MALRD1: variants seen among roughly 807,000 people sequenced by gnomAD.
MALRD1 encodes the protein MAM and LDL-receptor class A domain-containing protein 1.
MALRD1 carries 247 observed loss-of-function variants against 242.1 expected under a neutral mutation model. The observed-to-expected ratio is 1.02, with a 90% CI of 0.92 to 1.13. The LOEUF is 1.13. MALRD1 is among the 50% of genes most tolerant of loss of function. MALRD1 has a pLI of 0.00. For synonymous variants in MALRD1, 995 were observed against 866.6 expected, an observed-to-expected ratio of 1.15 and a Z score of -2.60; for missense variants, 2,989 against 2,533.1, an observed-to-expected ratio of 1.18 and a Z score of -3.86.
intron 5 of MALRD1, among the ~76,000 whole-genome samples, chr10:19,121,199 C>T (rs1481196244): frequency 3.3e-5 from 5 of 151,748 alleles, no homozygotes; most frequent in African/African-American, 1.2e-4. Context: ...TGCCACCATG[C>T]CTTGCTAATT....
At chr10:19,564,845 A>G (rs1401575336) in intron 32 of MALRD1, among the ~76,000 whole-genome samples, 1 of 152,154 alleles carries the variant, frequency 6.6e-6, no homozygotes, top group African/African-American at 2.4e-5. Flanking sequence ...TCAGAATACA[A>G]TAATATCATT....
intron 32 of MALRD1, among the ~76,000 whole-genome samples, chr10:19,553,424 T>C (rs1406525289): frequency 6.6e-6 from 1 of 152,188 alleles, no homozygotes; most frequent in African/African-American, 2.4e-5. Context: ...TATGTCAGAA[T>C]ATAAAAATAT....
At chr10:19,399,759 CAAAT>C (rs1264597260) in intron 28 of MALRD1, among the ~76,000 whole-genome samples, 4 of 152,136 alleles carry the variant, frequency 2.6e-5, no homozygotes, top group East Asian at 1.9e-4. Context: ...CTTTTTTTAA[CAAAT>C]AAAGAAATAT....
At chr10:19,476,691 C>T (rs553961544) in intron 29 of MALRD1, among the ~76,000 whole-genome samples, 2 of 152,136 alleles carry the variant, frequency 1.3e-5, no homozygotes, top group Admixed American at 6.5e-5. Context: ...GCGGTCATCT[C>T]GAACCAGGAT....
intron 26 of MALRD1, among the ~76,000 whole-genome samples, chr10:19,358,433 A>G (rs1475877131): frequency 6.6e-6 from 1 of 152,184 alleles, no homozygotes; most frequent in Non-Finnish European, 1.5e-5. Context: ...CTGGTGTAGC[A>G]ACTCAGTCAG....
intron 14 of MALRD1, among the ~76,000 whole-genome samples, chr10:19,194,160 A>G (rs1049888411): frequency 6.6e-5 from 10 of 152,120 alleles, no homozygotes; most frequent in Non-Finnish European, 7.4e-5. Context: ...TGACTAATAC[A>G]ATTTCACGTT....
intron 18 of MALRD1, among the ~76,000 whole-genome samples, chr10:19,211,353 A>G (rs1423847055): frequency 6.6e-6 from 1 of 152,080 alleles, no homozygotes; most frequent in Non-Finnish European, 1.5e-5. Context: ...CAGGCCCGAA[A>G]AGATGAAATC....
At chr10:19,491,370 G>C (rs1375323327) in intron 29 of MALRD1, 147 bp from the exon 30 acceptor site, 1 of 929,656 alleles carries the variant, frequency 1.1e-6, no homozygotes, top group Admixed American at 2.2e-5. Context: ...GACTGAGAAA[G>C]AGGAAGTTGG....
chr10:19,112,663 G>T (rs1262517479), intron 5 of MALRD1, among the ~76,000 whole-genome samples: 1 of 152,106 alleles, frequency 6.6e-6, no homozygotes, highest in African/African-American at 2.4e-5. Flanking sequence ...AATGTTTTTG[G>T]CCATATCATT....
intron 32 of MALRD1, among the ~76,000 whole-genome samples, chr10:19,534,896 T>C (rs1416133414): frequency 1.3e-5 from 2 of 151,454 alleles, no homozygotes; most frequent in African/African-American, 4.9e-5. Flanking sequence ...GTTGTTGTTT[T>C]TGTTTTTTGA....
At chr10:19,637,508 TGGATACCA>T (rs1564505754) in intron 36 of MALRD1, among the ~76,000 whole-genome samples, 1 of 152,174 alleles carries the variant, frequency 6.6e-6, no homozygotes, top group Non-Finnish European at 1.5e-5. Context: ...ACGATAAAAC[TGGATACCA>T]TGTTGACCCG....
chr10:19,723,803 G>C (rs896773713), intron 38 of MALRD1, among the ~76,000 whole-genome samples: 3 of 151,600 alleles, frequency 2.0e-5, no homozygotes, highest in Non-Finnish European at 2.9e-5. Flanking sequence ...TATTTTCTAA[G>C]TCTACTTTTA....
chr10:19,369,877 T>C (rs1028003082), intron 26 of MALRD1, among the ~76,000 whole-genome samples: 1 of 152,098 alleles, frequency 6.6e-6, no homozygotes, highest in Admixed American at 6.6e-5. Flanking sequence ...ATTTTCTTAA[T>C]TGTGTCTTCT....
chr10:19,657,516 A>G (rs956001465), intron 36 of MALRD1, among the ~76,000 whole-genome samples: 26 of 151,748 alleles, frequency 1.7e-4, no homozygotes, highest in African/African-American at 6.1e-4. Flanking sequence ...AAGACAGTAA[A>G]TTACAGAATT....
chr10:19,491,140 G>T lies in MALRD1; in HGVS notation c.5030-377G>T, dbSNP rs1214206718. The T allele has an allele frequency of 1.4e-5, 6 of 419,898 alleles. No individual in the cohort carries two copies. The East Asian group carries it at 4.0e-4, about 28-fold the overall frequency. 26.0% of individuals were successfully genotyped at this position (419,898 alleles called of 1,614,324 possible). On this transcript the variant is annotated intron_variant, in intron 29 of 39. Coordinates refer to ENST00000454679, the MANE Select transcript of MALRD1 (RefSeq NM_001142308.3). The stretch of plus-strand genomic sequence containing the variant: ...CAGATCACCAGGAGCATTACGAGCA[G>T]CACAAATGGCCAGGAAATCTCATCA...
At chr10:19,552,921 A>G (rs990059196) in intron 32 of MALRD1, among the ~76,000 whole-genome samples, 7 of 152,124 alleles carry the variant, frequency 4.6e-5, no homozygotes, top group African/African-American at 1.7e-4. Context: ...GTGTGGTTAC[A>G]TTATATTGTA....
At chr10:19,208,868 G>A (rs1006915597) in intron 17 of MALRD1, among the ~76,000 whole-genome samples, 2 of 152,134 alleles carry the variant, frequency 1.3e-5, no homozygotes, top group Non-Finnish European at 2.9e-5. Context: ...TTCAGTGTTT[G>A]TTTGTTTTTT....
At chr10:19,132,114 G>A (rs1314292273) in intron 8 of MALRD1, among the ~76,000 whole-genome samples, 1 of 152,066 alleles carries the variant, frequency 6.6e-6, no homozygotes, top group Non-Finnish European at 1.5e-5. Flanking sequence ...AAATGTAAGT[G>A]CACCCATCTT....
chr10:19,306,107 A>AC (rs1383285293), intron 21 of MALRD1, among the ~76,000 whole-genome samples: 60 of 89,674 alleles, frequency 6.7e-4, no homozygotes, highest in East Asian at 1.9e-3. Flanking sequence ...ACTAGATAGT[A>AC]TATATATACT....
Sources: gnomAD v4.1 joint callset for allele counts (sites outside exome capture counted in the v4.1 genomes callset) on GRCh38, gnomAD v4.1.1 for gene constraint, MANE v1.5 for transcripts, NCBI Gene and HGNC (gene_info 2026-07-23, HGNC 2026-07-21) for gene names.